LHCGR: variants seen among roughly 807,000 people sequenced by gnomAD.
LHCGR encodes lutropin-choriogonadotropic hormone receptor.
In LHCGR, 55 loss-of-function variants were observed where a neutral mutation model predicts 60.7. That is an observed-to-expected ratio of 0.91 (90% CI 0.73 to 1.13). LHCGR has a LOEUF of 1.13. Among genes scored for constraint, LHCGR ranks in the 50% most tolerant of loss-of-function variants. LHCGR has a pLI of 0.00. For synonymous variants in LHCGR, 337 were observed against 316.5 expected (o/e 1.06, Z -0.69); for missense variants, 862 against 836.0 (o/e 1.03, Z -0.38).
chr2:48,731,473 T>G (rs1668984058), intron 1 of LHCGR, among the ~76,000 whole-genome samples, 175 bp from the exon 2 acceptor site: 1 of 152,184 alleles, frequency 6.6e-6, no homozygotes, highest in Non-Finnish European at 1.5e-5. Context: ...TGCCATGACT[T>G]ATTCTTGGTC....
chr2:48,694,368 C>G, intron 9 of LHCGR, 64 bp from the exon 10 acceptor site: 2 of 960,038 alleles, frequency 2.1e-6, no homozygotes, highest in Non-Finnish European at 3.3e-6. Context: ...CCTGACTGTG[C>G]GTCTATTTAT....
chr2:48,689,637 C>CCCT (rs1199920396), intron 10 of LHCGR, among the ~76,000 whole-genome samples: 1 of 152,130 alleles, frequency 6.6e-6, no homozygotes, highest in East Asian at 1.9e-4. Context: ...GGTACTTTGT[C>CCCT]CCTAGTGAAA....
At chr2:48,740,688 C>T (rs1456026384) in intron 1 of LHCGR, among the ~76,000 whole-genome samples, 4 of 152,096 alleles carry the variant, frequency 2.6e-5, no homozygotes, top group African/African-American at 9.7e-5. Context: ...AAAAACCCAT[C>T]TGTACATCAC....
intron 1 of LHCGR, among the ~76,000 whole-genome samples, chr2:48,744,748 G>T (rs1485022046): frequency 2.7e-5 from 4 of 150,008 alleles, no homozygotes; most frequent in African/African-American, 9.9e-5. Flanking sequence ...AACCCTAGAA[G>T]AAAACCCAGG....
intron 1 of LHCGR, among the ~76,000 whole-genome samples, chr2:48,751,353 A>G (rs1025240704): frequency 6.6e-6 from 1 of 152,206 alleles, no homozygotes; most frequent in African/African-American, 2.4e-5. Context: ...GGAAGAATTT[A>G]TTCAACCTTC....
intron 10 of LHCGR, among the ~76,000 whole-genome samples, chr2:48,689,196 A>G (rs995857174): frequency 3.3e-5 from 5 of 151,328 alleles, no homozygotes; most frequent in South Asian, 2.1e-4. Flanking sequence ...TATATATACT[A>G]TACATACATA....
intron 8 of LHCGR, among the ~76,000 whole-genome samples, chr2:48,699,543 T>A (rs1453177154): frequency 6.6e-6 from 1 of 152,218 alleles, no homozygotes; most frequent in Non-Finnish European, 1.5e-5. Flanking sequence ...TTCAGATGCC[T>A]CAGTCTTTGA....
intron 1 of LHCGR, among the ~76,000 whole-genome samples, chr2:48,753,181 G>A (rs915788531): frequency 1.3e-5 from 2 of 152,114 alleles, no homozygotes; most frequent in South Asian, 4.1e-4. Flanking sequence ...GTAGGTTGGG[G>A]CTGAGGCCTG....
intron 2 of LHCGR, among the ~76,000 whole-genome samples, chr2:48,730,292 G>A (rs1057255860): frequency 1.3e-5 from 2 of 152,178 alleles, no homozygotes; most frequent in Non-Finnish European, 2.9e-5. Context: ...AGGTCTTAAT[G>A]CATTAAAGGT....
chr2:48,703,417 A>C (rs1323848624), intron 8 of LHCGR, among the ~76,000 whole-genome samples: 2 of 152,192 alleles, frequency 1.3e-5, no homozygotes, highest in African/African-American at 2.4e-5. Flanking sequence ...TCTTACATTT[A>C]AGTCTTTAAT....
At chr2:48,749,720 T>TA (rs35333492) in intron 1 of LHCGR, among the ~76,000 whole-genome samples, 30,814 of 129,862 alleles carry the variant, frequency 0.24, 3,523 homozygotes, top group Middle Eastern at 0.29. Flanking sequence ...CTTTTGAAAT[T>TA]AAAAAAAAAA....
At position 48,723,458 on chromosome 2, in the gene LHCGR, T is replaced by C. The variant is rs1218359051; in HGVS notation, c.534A>G (p.Thr178=). Residue 178 remains threonine, a splice_region_variant and synonymous_variant, in exon 6 of 11, where the codon ACA becomes ACG. Transcript: ENST00000294954. ...CACAAATCTGGGAGTTTACTCACAG[T>C]GTTACAGATTCATTATTCATCCCTT... is the stretch of plus-strand genomic sequence containing the variant. The part of the protein sequence containing the change: ...AFQGMNNESV[T]LKLYGNGFEE... 2 of 1,601,824 alleles carry C rather than the reference T, an allele frequency of 1.2e-6. No homozygotes were observed. The highest frequency in any genetic ancestry group is 1.7e-6 in the Non-Finnish European group (2 of 1,168,964).
At chr2:48,724,760 G>A (rs1572866180) in intron 4 of LHCGR, among the ~76,000 whole-genome samples, 1 of 152,146 alleles carries the variant, frequency 6.6e-6, no homozygotes, top group South Asian at 2.1e-4. Flanking sequence ...CTGGAGGTTT[G>A]GAAAAACAGA....
chr2:48,728,360 TG>T (rs1411751376), intron 3 of LHCGR, among the ~76,000 whole-genome samples: 1 of 152,152 alleles, frequency 6.6e-6, no homozygotes, highest in Non-Finnish European at 1.5e-5. Context: ...AAAAAATGTT[TG>T]ATGCTAATAC....
In LHCGR at chr2:48,714,012, T is replaced by C. The variant is rs1354120550; in HGVS notation, c.579A>G (p.Ala193=). 2.5e-6 allele frequency: 4 copies of C among 1,612,972 alleles called. No individual in the cohort carries two copies. The highest frequency in any genetic ancestry group is 2.2e-5 in the East Asian group (1 of 44,874). Reference sequence around the variant, plus strand: ...GTGAAGTCAGTGTCGTCCCATTGAATGCATGACTTTGTACTTCTTCAAATC... The same window carrying C: ...GTGAAGTCAGTGTCGTCCCATTGAACGCATGACTTTGTACTTCTTCAAATC... ...GNGFEEVQSH[A]FNGTTLTSLE... is the part of the protein sequence containing the mutation. Residue 193 remains alanine, a synonymous_variant, in exon 7 of 11, where the codon GCA becomes GCG. Coordinates refer to ENST00000294954, the MANE Select transcript of LHCGR (RefSeq NM_000233.4).
chr2:48,731,349 C>T (rs763058910), intron 1 of LHCGR, 51 bp from the exon 2 acceptor site: 1 of 1,310,010 alleles, frequency 7.6e-7, no homozygotes, highest in Non-Finnish European at 1.1e-6. Context: ...GATAGGGTGC[C>T]TTTTAAGTTC....
At chr2:48,729,113 A>G (rs1290890534) in intron 3 of LHCGR, 40 bp downstream of exon 3, 2 of 1,437,990 alleles carry the variant, frequency 1.4e-6, no homozygotes, top group South Asian at 1.1e-5. Context: ...AGTGAGGGTA[A>G]TAGTGTACAG....
chr2:48,691,586 C>T (rs1169406335), intron 10 of LHCGR, among the ~76,000 whole-genome samples: 1 of 152,110 alleles, frequency 6.6e-6, no homozygotes, highest in East Asian at 1.9e-4. Context: ...TGGCTCATGC[C>T]TGTAATCCCA....
intron 7 of LHCGR, among the ~76,000 whole-genome samples, chr2:48,711,818 C>G (rs1179611231): frequency 6.6e-6 from 1 of 152,152 alleles, no homozygotes; most frequent in South Asian, 2.1e-4. Flanking sequence ...ATTTGTGTCT[C>G]TAGCCCTGCC....
Sources: gnomAD v4.1 joint callset for allele counts (sites outside exome capture counted in the v4.1 genomes callset) on GRCh38, gnomAD v4.1.1 for gene constraint, MANE v1.5 for transcripts, NCBI Gene and HGNC (gene_info 2026-07-23, HGNC 2026-07-21) for gene names.